The following MEX3D variants were observed in gnomAD, a reference collection of about 807,000 sequenced individuals.
The protein encoded by MEX3D is RNA-binding protein MEX3D.
Under a neutral mutation model 6.3 loss-of-function variants are expected in MEX3D, and 4 were observed. The ratio of observed to expected loss-of-function variants is 0.64; its 90% CI spans 0.31 to 1.46. The LOEUF is 1.46. Among genes scored for constraint, MEX3D ranks in the 40% most tolerant of loss-of-function variants. MEX3D has a pLI of 0.07. For synonymous variants in MEX3D, 626 were observed against 494.1 expected (o/e 1.27, Z -3.54); for missense variants, 1,038 against 994.4 (o/e 1.04, Z -0.59).
intron 1 of MEX3D, among the ~76,000 whole-genome samples, chr19:1,561,512 G>A (rs1914717433): frequency 6.6e-6 from 1 of 152,176 alleles, no homozygotes; most frequent in Non-Finnish European, 1.5e-5. Context: ...GAGGGAAGCT[G>A]GTTCAGCTGT....
chr19:1,558,049 CAAAAAA>C (rs35362564), intron 1 of MEX3D, among the ~76,000 whole-genome samples: 2 of 83,878 alleles, frequency 2.4e-5, no homozygotes, highest in Non-Finnish European at 4.5e-5. Context: ...GACTCCATTT[CAAAAAA>C]AAAAAAAAAA....
At chr19:1,564,663 ACTG>A (rs1390719481) in intron 1 of MEX3D, among the ~76,000 whole-genome samples, 1 of 152,058 alleles carries the variant, frequency 6.6e-6, no homozygotes, top group Non-Finnish European at 1.5e-5. Context: ...GATCAAGAGA[ACTG>A]AAGCTCAGAG....
At position 1,567,973 on chromosome 19, in the gene MEX3D, C is replaced by G. The variant is rs1000473322; in HGVS notation, c.86G>C (p.Gly29Ala). The stretch of plus-strand genomic sequence containing the variant: ...CTCGGGCGGGGGCGCAGGTCCGGGT[C>G]CGGGGTCCTCCCCCGCCGCCCCCAC... ...GGVGAAGEDP[G>A]PGPAPPPEGA... The change falls in exon 1 of 2, where the codon GGA becomes GCA. Residue 29 changes from glycine to alanine, a missense_variant. Coordinates refer to ENST00000402693, the MANE Select transcript of MEX3D (RefSeq NM_203304.4). The surrounding 1 kb of genome is among the most constrained non-coding windows in gnomAD (Gnocchi z 6.5). The G allele has an allele frequency of 1.0e-6, 1 of 978,180 alleles. No homozygotes were observed. Among genetic ancestry groups the G allele is most frequent in the Non-Finnish European group, 1.2e-6 (1 of 827,084 alleles). 60.6% of individuals were successfully genotyped at this position (978,180 alleles called of 1,614,324 possible).
chr19:1,560,076 G>C (rs1037038887), intron 1 of MEX3D, among the ~76,000 whole-genome samples: 1 of 152,238 alleles, frequency 6.6e-6, no homozygotes, highest in African/African-American at 2.4e-5. Flanking sequence ...TGAGGCTGGA[G>C]GATGGGGCTG....
Position 1,567,411 on chromosome 19 carries a change from G to A in MEX3D, c.595+53C>T. 1.3e-6 allele frequency: 2 copies of A among 1,501,504 alleles called. No homozygotes were observed. Among genetic ancestry groups the A allele is most frequent in the Non-Finnish European group, 8.9e-7 (1 of 1,129,906 alleles). 93.0% of individuals were successfully genotyped at this position (1,501,504 alleles called of 1,614,324 possible). A position where few individuals can be genotyped will look rare whatever the true frequency, so the allele number is the denominator to read the frequency against. On this transcript the variant is annotated intron_variant, in intron 1 of 1. Transcript: ENST00000402693. This position sits in a 1 kb window ranked among gnomAD's most constrained non-coding sequence, Gnocchi z 6.5. ...GGGCTCGGGCGACCCCCTTCCCCGG[G>A]GCGGACGGTGCGGGGACCCCCAGGA... is the stretch of plus-strand genomic sequence containing the variant.
Position 1,556,438 on chromosome 19 carries a change from CGTCGGTGCCGTTGGCGTGGAA to C in MEX3D, c.1060_1080del (p.Phe354_Asp360del). On this transcript the variant is annotated inframe_deletion, in exon 2 of 2. Transcript: ENST00000402693. This position sits in a 1 kb window ranked among gnomAD's most constrained non-coding sequence, Gnocchi z 7.5. Reference sequence around the variant, plus strand: ...GCCGCCCCGAGCAGGTCCAGGCAGACGTCGGTGCCGTTGGCGTGGAAGTCGCTGTCGGGGCCCGCGTCGGTG... The same window carrying C: ...GCCGCCCCGAGCAGGTCCAGGCAGACGTCGCTGTCGGGGCCCGCGTCGGTG... The C allele has an allele frequency of 6.3e-7, 1 of 1,596,344 alleles. No homozygotes were observed. The highest frequency in any genetic ancestry group is 8.5e-7 in the Non-Finnish European group (1 of 1,177,168).
chr19:1,556,385 G>T lies in MEX3D; in HGVS notation c.1134C>A (p.Asn378Lys). ...AAASLWAKTP[N>K]QGRRPPTATA... The stretch of plus-strand genomic sequence containing the variant: ...TGGCCGTGGGGGGCCGTCGTCCCTG[G>T]TTGGGGGTCTTGGCCCAGAGGCTGG... Residue 378 changes from asparagine (N) to lysine (K), a missense_variant, in exon 2 of 2, where the codon AAC becomes AAA. Around this residue, in one of 5 missense-constraint regions of MEX3D, gnomAD observed 581 missense variants for 516.2 expected, o/e 1.13. Coordinates refer to ENST00000402693, the MANE Select transcript of MEX3D (RefSeq NM_203304.4). The surrounding 1 kb of genome is among the most constrained non-coding windows in gnomAD (Gnocchi z 7.5). 1 of 1,544,666 alleles carries T rather than the reference G, an allele frequency of 6.5e-7. No individual in the cohort carries two copies. The highest frequency in any genetic ancestry group is 8.7e-7 in the Non-Finnish European group (1 of 1,153,616).
In MEX3D at chr19:1,555,505, T is replaced by C; in HGVS notation, c.*58A>G. Reference sequence around the variant, plus strand: ...CTCTCCCACCCCGGGTCCCGCCCCGTCTCCCGCGCCCACCCCTGGCCCCCG... The same window carrying C: ...CTCTCCCACCCCGGGTCCCGCCCCGCCTCCCGCGCCCACCCCTGGCCCCCG... On this transcript the variant is annotated 3_prime_UTR_variant, in exon 2 of 2. Transcript: ENST00000402693. The C allele has an allele frequency of 7.5e-7, 1 of 1,336,312 alleles. No homozygotes were observed. Among genetic ancestry groups the C allele is most frequent in the Non-Finnish European group, 9.8e-7 (1 of 1,016,118 alleles). 82.8% of individuals were successfully genotyped at this position (1,336,312 alleles called of 1,614,324 possible). A position where few individuals can be genotyped will look rare whatever the true frequency, so the allele number is the denominator to read the frequency against.
intron 1 of MEX3D, among the ~76,000 whole-genome samples, chr19:1,560,109 G>A (rs1914680099): frequency 6.6e-6 from 1 of 152,210 alleles, no homozygotes; most frequent in African/African-American, 2.4e-5. Flanking sequence ...GCACTTGGGG[G>A]ACCTTGCTAT....
intron 1 of MEX3D, among the ~76,000 whole-genome samples, chr19:1,561,250 G>A (rs1259505441): frequency 1.3e-5 from 2 of 152,162 alleles, no homozygotes; most frequent in African/African-American, 4.8e-5. Context: ...CCTGGTGTGG[G>A]AGCCGAGGCC....
Position 1,555,790 on chromosome 19 carries a change from C to G in MEX3D, c.1729G>C (p.Asp577His). Residue 577 changes from aspartate (D) to histidine (H), a missense_variant, in exon 2 of 2, where the codon GAC becomes CAC. By Grantham distance (81) the Asp-to-His change is moderately conservative. Transcript: ENST00000402693. ...CGGCTGTTCTCGGAGGCGCCGGAGT[C>G]CAGGGGGGCGCAGGCGGCGGCCGCG... Reference protein sequence around the residue: ...SPAAAACAPLDSGASENSRKP... With the variant: ...SPAAAACAPLHSGASENSRKP... The G allele has an allele frequency of 1.4e-6, 2 of 1,417,928 alleles. No individual in the cohort carries two copies. Among genetic ancestry groups the G allele is most frequent in the Non-Finnish European group, 1.8e-6 (2 of 1,095,640 alleles). 87.8% of individuals were successfully genotyped at this position (1,417,928 alleles called of 1,614,324 possible).
intron 1 of MEX3D, among the ~76,000 whole-genome samples, chr19:1,564,643 C>T (rs952842061): frequency 6.6e-6 from 1 of 152,030 alleles, no homozygotes; most frequent in African/African-American, 2.4e-5. Context: ...AGCACTCGGA[C>T]CCCCTCTAGG....
chr19:1,556,146 T>TCGAAGTCGAAGC lies in MEX3D; in HGVS notation c.1361_1372dup (p.Gly454_Phe457dup), dbSNP rs1290735412. On this transcript the variant is annotated inframe_insertion, in exon 2 of 2. Coordinates refer to ENST00000402693, the MANE Select transcript of MEX3D (RefSeq NM_203304.4). This position sits in a 1 kb window ranked among gnomAD's most constrained non-coding sequence, Gnocchi z 7.5. The stretch of plus-strand genomic sequence containing the variant: ...CACGGTCAGGTCCAGCGCCAGGAAG[T>TCGAAGTCGAAGC]CGAAGTCGAAGCCGAAGTCGCAGTC... The TCGAAGTCGAAGC allele has an allele frequency of 2.7e-6, 4 of 1,474,110 alleles. No individual in the cohort carries two copies. The highest frequency in any genetic ancestry group is 3.6e-6 in the Non-Finnish European group (4 of 1,113,204). The allele number at this position is 1,474,110 out of a possible 1,614,324, so 91.3% of individuals were successfully genotyped here.
chr19:1,567,930 C>A lies in MEX3D; in HGVS notation c.129G>T (p.Ala43=). The change falls in exon 1 of 2, where the codon GCG becomes GCT. Residue 43 remains alanine (A), a synonymous_variant. Transcript: ENST00000402693. This position sits in a 1 kb window ranked among gnomAD's most constrained non-coding sequence, Gnocchi z 6.5. The stretch of plus-strand genomic sequence containing the variant: ...GTTCGGGCGGCGGCCGGGGCGCGGG[C>A]GCGGCCTCCTGGGCGCCCTCGGGCG... The part of the protein sequence containing the change: ...APPPEGAQEA[A]PAPRPPPEPD... The A allele has an allele frequency of 1.0e-6, 1 of 977,764 alleles. No homozygotes were observed. The highest frequency in any genetic ancestry group is 1.2e-6 in the Non-Finnish European group (1 of 826,944). The allele number at this position is 977,764 out of a possible 1,614,324, so 60.6% of individuals were successfully genotyped here. A position where few individuals can be genotyped will look rare whatever the true frequency, so the allele number is the denominator to read the frequency against.
In MEX3D at chr19:1,567,476, C is replaced by A; in HGVS notation, c.583G>T (p.Val195Leu). The A allele has an allele frequency of 1.3e-6, 2 of 1,568,484 alleles. No individual in the cohort carries two copies. The highest frequency in any genetic ancestry group is 2.6e-5 in the East Asian group (1 of 38,796). Residue 195 changes from valine to leucine, a missense_variant, in exon 1 of 2, where the codon GTG becomes TTG. By Grantham distance (32) the Val-to-Leu change is conservative. Coordinates refer to ENST00000402693, the MANE Select transcript of MEX3D (RefSeq NM_203304.4). This position sits in a 1 kb window ranked among gnomAD's most constrained non-coding sequence, Gnocchi z 6.5. ...GAGGGCCACTCACCCTGGCGACCCA[C>A]GATCTCGGCGACGTGCTCGGAGCTG... is the stretch of plus-strand genomic sequence containing the variant. ...VPSSEHVAEI[V>L]GRQGCKIKAL...
Position 1,556,499 on chromosome 19 carries a change from C to T in MEX3D, c.1020G>A (p.Leu340=). The T allele has an allele frequency of 6.2e-7, 1 of 1,605,260 alleles. No homozygotes were observed. Among genetic ancestry groups the T allele is most frequent in the Non-Finnish European group, 8.5e-7 (1 of 1,177,964 alleles). ...CCGCGTCGGTGAAGGCGCCAGTGCG[C>T]AGCGTGATGTGCGCCTCGATCTCCT... is the stretch of plus-strand genomic sequence containing the variant. ...AREEIEAHIT[L]RTGAFTDAGP... The change falls in exon 2 of 2, where the codon CTG becomes CTA. Residue 340 remains leucine, a synonymous_variant. Coordinates refer to ENST00000402693, the MANE Select transcript of MEX3D (RefSeq NM_203304.4). This position sits in a 1 kb window ranked among gnomAD's most constrained non-coding sequence, Gnocchi z 7.5.
chr19:1,557,680 G>A (rs1269535641), intron 1 of MEX3D, among the ~76,000 whole-genome samples: 1 of 150,286 alleles, frequency 6.7e-6, no homozygotes, highest in Non-Finnish European at 1.5e-5. Flanking sequence ...CCAACATGGT[G>A]AAACCCTGTC....
intron 1 of MEX3D, among the ~76,000 whole-genome samples, chr19:1,566,738 CA>C (rs528168652): frequency 2.4e-3 from 372 of 152,164 alleles, no homozygotes; most frequent in African/African-American, 8.2e-3. Flanking sequence ...TGTCACCCTG[CA>C]AATCTCAGCC....
At chr19:1,565,333 G>T (rs1914812818) in intron 1 of MEX3D, among the ~76,000 whole-genome samples, 1 of 152,156 alleles carries the variant, frequency 6.6e-6, no homozygotes, top group African/African-American at 2.4e-5. Flanking sequence ...CTTGAGGTCG[G>T]GAGTTCGAGA....
Sources: gnomAD v4.1 joint callset for allele counts (sites outside exome capture counted in the v4.1 genomes callset) on GRCh38, gnomAD v4.1.1 for gene constraint, gnomAD v4.1.1 regional missense constraint, Gnocchi (gnomAD v3.1) non-coding constraint, MANE v1.5 for transcripts, NCBI Gene and HGNC (gene_info 2026-07-23, HGNC 2026-07-21) for gene names.